IL15RA: variants seen among roughly 807,000 people sequenced by gnomAD.
IL15RA encodes the protein interleukin 15 receptor subunit alpha.
Under a neutral mutation model 24.2 loss-of-function variants are expected in IL15RA, and 26 were observed. The ratio of observed to expected loss-of-function variants is 1.07; its 90% CI spans 0.79 to 1.49. IL15RA has a LOEUF of 1.49. IL15RA is among the 40% of genes most tolerant of loss of function. The probability of loss-of-function intolerance (pLI) is 0.00; values close to 1 mark genes in which losing one functional copy is unlikely to be tolerated. For synonymous variants in IL15RA, 166 were observed against 157.6 expected (o/e 1.05, Z -0.40); for missense variants, 354 against 356.4 (o/e 0.99, Z 0.05).
In IL15RA at chr10:5,977,482, C is replaced by G; in HGVS notation, c.11G>C (p.Arg4Pro). The change falls in exon 1 of 7, where the codon CGG (arginine) becomes CCG (proline). Residue 4 changes from arginine to proline, a missense_variant. Transcript: ENST00000379977. MAP[R>P]RARGCRTLGL... is the part of the protein sequence containing the mutation. ...GAGGGTCCGGCAGCCGCGCGCCCGC[C>G]GCGGGGCCATGGCGGCAGCTCCACA... 7.4e-7 allele frequency: 1 copy of G among 1,356,634 alleles called. No homozygotes were observed. Among genetic ancestry groups the G allele is most frequent in the Non-Finnish European group, 9.5e-7 (1 of 1,056,344 alleles). The allele number at this position is 1,356,634 out of a possible 1,614,324, so 84.0% of individuals were successfully genotyped here. A position where few individuals can be genotyped will look rare whatever the true frequency, so the allele number is the denominator to read the frequency against.
At position 5,964,793 on chromosome 10, in the gene IL15RA, G is replaced by C. The variant is rs1454545481; in HGVS notation, c.284-952C>G. 6.6e-6 allele frequency among the ~76,000 whole-genome samples: 1 copy of C among 152,182 alleles called. No individual in the cohort carries two copies. The highest frequency in any genetic ancestry group is 6.5e-5 in the Admixed American group (1 of 15,274). ...ACAGGTTCCAGGGAGTCCCAGGACT[G>C]GCAGAGTAAGACCCACCGTGGTTCC... On this transcript the variant is annotated intron_variant, in intron 2 of 6. Coordinates refer to ENST00000379977, the MANE Select transcript of IL15RA (RefSeq NM_002189.4). This position sits in a 1 kb window ranked among gnomAD's most constrained non-coding sequence, Gnocchi z 5.6.
chr10:5,949,437 G>T, downstream of IL15RA: 2 of 463,422 alleles, frequency 4.3e-6, no homozygotes, highest in East Asian at 7.0e-5. This position sits in a 1 kb window ranked among gnomAD's most constrained non-coding sequence, Gnocchi z 4.4. Flanking sequence ...GTGCCTAGCA[G>T]TGTGAGGTGG....
rs1422563419 is a variant in IL15RA, at chr10:5,963,852, G to A, written c.284-11C>T. On this transcript the variant is annotated splice_polypyrimidine_tract_variant and intron_variant, in intron 2 of 6. Transcript: ENST00000379977. This position sits in a 1 kb window ranked among gnomAD's most constrained non-coding sequence, Gnocchi z 5.3. Reference sequence around the variant, plus strand: ...CCAGGGCAGGGTCTCCTAGAGAGAGGATAACCACATGGCACTTATGATCCT... The same window carrying A: ...CCAGGGCAGGGTCTCCTAGAGAGAGAATAACCACATGGCACTTATGATCCT... The A allele has an allele frequency of 1.3e-6, 2 of 1,539,186 alleles. No individual in the cohort carries two copies. The highest frequency in any genetic ancestry group is 5.0e-5 in the East Asian group (2 of 40,248).
At chr10:5,956,322 G>C (rs3136627) in intron 6 of IL15RA, 57 bp downstream of exon 6, 1 of 1,418,042 alleles carries the variant, frequency 7.1e-7, no homozygotes. Context: ...GCCAGGTGCA[G>C]CTCTTTTCTC....
chr10:5,949,025 G>A (rs1253276305), downstream of IL15RA: 1 of 337,294 alleles, frequency 3.0e-6, no homozygotes, highest in East Asian at 7.5e-5. The surrounding 1 kb of genome is among the most constrained non-coding windows in gnomAD (Gnocchi z 4.4). Flanking sequence ...GCGCTGAGAT[G>A]AGTTTTCTTC....
downstream of IL15RA, among the ~76,000 whole-genome samples, chr10:5,949,773 G>C (rs1833745877): frequency 6.6e-6 from 1 of 152,076 alleles, no homozygotes; most frequent in East Asian, 1.9e-4. The surrounding 1 kb of genome is among the most constrained non-coding windows in gnomAD (Gnocchi z 4.4). Flanking sequence ...GAACGTAAGT[G>C]GTTTTAAAAA....
chr10:5,977,715 C>T, upstream of IL15RA: 1 of 1,124,958 alleles, frequency 8.9e-7, no homozygotes, highest in East Asian at 3.2e-5. Context: ...GCCGCGGCAC[C>T]GCACAGCCAC....
rs1487656881 is a variant in IL15RA, at chr10:5,958,533, G to A, written c.616+1221C>T. Among the ~76,000 whole-genome samples, 2 of 152,092 alleles carry A rather than the reference G, an allele frequency of 1.3e-5. No individual in the cohort carries two copies. The highest frequency in any genetic ancestry group is 2.9e-5 in the Non-Finnish European group (2 of 68,024). On this transcript the variant is annotated intron_variant, in intron 5 of 6. Transcript: ENST00000379977. This position sits in a 1 kb window ranked among gnomAD's most constrained non-coding sequence, Gnocchi z 4.3. ...CCCGAGTAGGTGGGACTACAGGCAT[G>A]TGCCACCATGTCTGGCTAATTTTTT...
At chr10:5,972,405 G>A (rs566892074) in intron 1 of IL15RA, among the ~76,000 whole-genome samples, 3 of 152,002 alleles carry the variant, frequency 2.0e-5, no homozygotes, top group Non-Finnish European at 2.9e-5. Flanking sequence ...ACAGAGTCTC[G>A]CTTTGTCGCC....
chr10:5,969,428 A>G (rs1431416233), intron 1 of IL15RA, among the ~76,000 whole-genome samples: 2 of 152,100 alleles, frequency 1.3e-5, no homozygotes, highest in Non-Finnish European at 2.9e-5. Context: ...CGGGGAGTGC[A>G]GTGGCATGAT....
At position 5,967,296 on chromosome 10, in the gene IL15RA, C is replaced by G; in HGVS notation, c.89-957G>C. Among the ~76,000 whole-genome samples the G allele has an allele frequency of 6.6e-6, 1 of 152,216 alleles. No individual in the cohort carries two copies. ...CTTGGCTCACTGCAACCTCCACCTC[C>G]TGGGTTCAAGCGATTCTCCTGCCTC... On this transcript the variant is annotated intron_variant, in intron 1 of 6. Transcript: ENST00000379977. This position sits in a 1 kb window ranked among gnomAD's most constrained non-coding sequence, Gnocchi z 4.4.
In IL15RA at chr10:5,963,148, A is replaced by G. The variant is rs1275492271; in HGVS notation, c.382+595T>C. On this transcript the variant is annotated intron_variant, in intron 3 of 6. Transcript: ENST00000379977. The surrounding 1 kb of genome is among the most constrained non-coding windows in gnomAD (Gnocchi z 5.3). Reference sequence around the variant, plus strand: ...TCCTCTCAAGGGTGCTTCTACAGCAAGCGCCTTGGAAGACGGGGACATGGT... The same window carrying G: ...TCCTCTCAAGGGTGCTTCTACAGCAGGCGCCTTGGAAGACGGGGACATGGT... Among the ~76,000 whole-genome samples, 1 of 152,210 alleles carries G rather than the reference A, an allele frequency of 6.6e-6. No individual in the cohort carries two copies. The highest frequency in any genetic ancestry group is 1.5e-5 in the Non-Finnish European group (1 of 68,038).
chr10:5,973,377 A>C lies in IL15RA; in HGVS notation c.88+4028T>G, dbSNP rs1274299305. Among the ~76,000 whole-genome samples, 2 of 152,244 alleles carry C rather than the reference A, an allele frequency of 1.3e-5. No homozygotes were observed. Among genetic ancestry groups the C allele is most frequent in the Non-Finnish European group, 2.9e-5 (2 of 68,036 alleles). ...CACATCTTTTGTTAGATTTATCCGT[A>C]AGTATCTAATGCTTTTTAATGTTAT... On this transcript the variant is annotated intron_variant, in intron 1 of 6. Transcript: ENST00000379977. The surrounding 1 kb of genome is among the most constrained non-coding windows in gnomAD (Gnocchi z 4.5).
chr10:5,974,541 G>A (rs1429766715), intron 1 of IL15RA, among the ~76,000 whole-genome samples: 5 of 152,102 alleles, frequency 3.3e-5, no homozygotes, highest in East Asian at 1.9e-4. Context: ...ATGTAAAATC[G>A]TATAACAACT....
chr10:5,950,908 C>G (rs1489405293), downstream of IL15RA: 1 of 152,038 alleles, frequency 6.6e-6, no homozygotes, highest in African/African-American at 2.4e-5. The surrounding 1 kb of genome is among the most constrained non-coding windows in gnomAD (Gnocchi z 5.6). Context: ...GAGGCCGAGG[C>G]AGGCAGACTG....
Position 5,958,997 on chromosome 10 carries a change from CT to C in IL15RA, c.616+756del, listed in dbSNP as rs1377723097. ...CCCCTCCTCTCTCAGCTCTCCTCCC[CT>C]CCCTTCAGCTTTTTCTTTTAGTCTT... On this transcript the variant is annotated intron_variant, in intron 5 of 6. Transcript: ENST00000379977. This position sits in a 1 kb window ranked among gnomAD's most constrained non-coding sequence, Gnocchi z 4.3. Among the ~76,000 whole-genome samples the C allele has an allele frequency of 6.6e-6, 1 of 152,064 alleles. No individual in the cohort carries two copies. Among genetic ancestry groups the C allele is most frequent in the Non-Finnish European group, 1.5e-5 (1 of 68,010 alleles).
upstream of IL15RA, chr10:5,977,943 G>C (rs1045663198): frequency 4.3e-6 from 1 of 230,936 alleles, no homozygotes; most frequent in Non-Finnish European, 8.4e-6. Context: ...CTCGCCCGGC[G>C]CTGGTCGCCT....
rs547066823 is a variant in IL15RA at position 5,955,102 on chromosome 10, T to TC, written c.692+1276_692+1277insG. On this transcript the variant is annotated intron_variant, in intron 6 of 6. Coordinates refer to ENST00000379977, the MANE Select transcript of IL15RA (RefSeq NM_002189.4). This position sits in a 1 kb window ranked among gnomAD's most constrained non-coding sequence, Gnocchi z 5.3. The stretch of plus-strand genomic sequence containing the variant: ...AAATTAGGCTCAAAGGGTCACATAA[T>TC]TTTTTTTTTTTTTTGAGATGGAGTT... Among the ~76,000 whole-genome samples the TC allele has an allele frequency of 1.7e-4, 20 of 117,342 alleles. No homozygotes were observed. The East Asian group carries it at 4.5e-3, about 27-fold the overall frequency. The allele number at this position is 117,342 out of a possible 152,430, so 77.0% of individuals were successfully genotyped here. A position where few individuals can be genotyped will look rare whatever the true frequency, so the allele number is the denominator to read the frequency against.
chr10:5,976,258 G>A (rs1342863388), intron 1 of IL15RA, among the ~76,000 whole-genome samples: 2 of 136,106 alleles, frequency 1.5e-5, no homozygotes, highest in African/African-American at 5.4e-5. Flanking sequence ...ACTTCAAGAA[G>A]CCTCGCAGAG....
Sources: gnomAD v4.1 joint callset for allele counts (sites outside exome capture counted in the v4.1 genomes callset) on GRCh38, gnomAD v4.1.1 for gene constraint, Gnocchi (gnomAD v3.1) non-coding constraint, MANE v1.5 for transcripts, NCBI Gene and HGNC (gene_info 2026-07-23, HGNC 2026-07-21) for gene names.